The following RYR2 variants were observed in gnomAD, a reference collection of about 807,000 sequenced individuals.
RYR2 encodes ryanodine receptor 2.
RYR2 carries 227 observed loss-of-function variants against 601.1 expected under a neutral mutation model. That is an observed-to-expected ratio of 0.38 (90% CI 0.34 to 0.42). The LOEUF (loss-of-function observed/expected upper bound fraction) is 0.42. Among genes scored for constraint, RYR2 ranks in the 10% least tolerant of loss-of-function variants. RYR2 has a pLI of 1.00. For missense variants in RYR2, 4,646 were observed against 6,156.5 expected, an observed-to-expected ratio of 0.75 and a Z score of 8.21; for synonymous variants, 2,223 against 2,175.1, an observed-to-expected ratio of 1.02 and a Z score of -0.61.
chr1:237,732,660 A>T (rs565331814), intron 78 of RYR2, among the ~76,000 whole-genome samples: 1 of 152,152 alleles, frequency 6.6e-6, no homozygotes, highest in Non-Finnish European at 1.5e-5. Context: ...CCTTAGTCAT[A>T]TGAATTCACC....
Position 237,732,056 on chromosome 1 carries a change from C to T in RYR2, c.10946C>T (p.Ala3649Val). ...TTGACTTTTTTGCAGAAACCTGGGG[C>T]TGAACCTCCAGAAGAAGATGAAGGC... ...KLIEDLAKPG[A>V]EPPEEDEGTK... The change falls in exon 78 of 105, where the codon GCT (alanine) becomes GTT (valine). Residue 3649 changes from alanine (A) to valine (V), a missense_variant. Ala to Val is a moderately conservative substitution (Grantham distance 64). This residue lies in a region of RYR2 where 1,497 missense variants were observed against 1,842.6 expected (regional missense o/e 0.81). Transcript: ENST00000366574. The T allele has an allele frequency of 1.2e-6, 2 of 1,600,890 alleles. No individual in the cohort carries two copies. Among genetic ancestry groups the T allele is most frequent in the Non-Finnish European group, 1.7e-6 (2 of 1,172,424 alleles).
At chr1:237,212,582 C>T (rs568276791) in intron 1 of RYR2, among the ~76,000 whole-genome samples, 5 of 151,586 alleles carry the variant, frequency 3.3e-5, no homozygotes, top group Non-Finnish European at 7.4e-5. Flanking sequence ...TCCAGCCTGA[C>T]GACAGAGCAA....
In RYR2 at chr1:237,742,324, G is replaced by A. The variant is rs755613281; in HGVS notation, c.11120G>A (p.Gly3707Asp). 3.8e-6 allele frequency: 6 copies of A among 1,566,804 alleles called. No individual in the cohort carries two copies. Among genetic ancestry groups the A allele is most frequent in the East Asian group, 4.6e-5 (2 of 43,228 alleles). ...KSCHDEEDDDGEEEVKSFEEK... is the reference protein window; with the variant it reads ...KSCHDEEDDDDEEEVKSFEEK... Reference sequence around the variant, plus strand: ...TGTCATGATGAGGAAGATGACGATGGTGAAGAGGAAGTGAAGAGTTTTGAA... The same window carrying A: ...TGTCATGATGAGGAAGATGACGATGATGAAGAGGAAGTGAAGAGTTTTGAA... Residue 3707 changes from glycine (G) to aspartate (D), a missense_variant, in exon 80 of 105, where the codon GGT becomes GAT. This residue lies in a region of RYR2 where 1,497 missense variants were observed against 1,842.6 expected (regional missense o/e 0.81). Coordinates refer to ENST00000366574, the MANE Select transcript of RYR2 (RefSeq NM_001035.3).
intron 3 of RYR2, among the ~76,000 whole-genome samples, chr1:237,349,309 T>C (rs1304901881): frequency 1.3e-5 from 2 of 152,118 alleles, no homozygotes; most frequent in Non-Finnish European, 2.9e-5. Context: ...TTTAATGTTG[T>C]GAGGAAAAAT....
intron 16 of RYR2, among the ~76,000 whole-genome samples, chr1:237,461,635 AC>A (rs1659492668): frequency 6.6e-6 from 1 of 152,090 alleles, no homozygotes; most frequent in African/African-American, 2.4e-5. Flanking sequence ...AACATGCATT[AC>A]TTTTATAATT....
intron 12 of RYR2, among the ~76,000 whole-genome samples, chr1:237,441,055 A>C (rs1474539440): frequency 6.6e-6 from 1 of 152,142 alleles, no homozygotes; most frequent in African/African-American, 2.4e-5. Flanking sequence ...TACTGATTTT[A>C]AGATCTCTGG....
intron 1 of RYR2, among the ~76,000 whole-genome samples, chr1:237,185,557 C>A (rs1292320042): frequency 3.3e-5 from 5 of 152,060 alleles, no homozygotes; most frequent in African/African-American, 1.2e-4. Flanking sequence ...CTGACTCTCT[C>A]TCGGTGCTCC....
At chr1:237,770,006 A>C (rs1403381103) in intron 84 of RYR2, among the ~76,000 whole-genome samples, 1 of 152,082 alleles carries the variant, frequency 6.6e-6, no homozygotes, top group Non-Finnish European at 1.5e-5. Context: ...CCCTTTTCTG[A>C]GGTTTTCTCC....
chr1:237,605,799 A>C (rs1271507519), intron 35 of RYR2, among the ~76,000 whole-genome samples: 1 of 152,128 alleles, frequency 6.6e-6, no homozygotes, highest in East Asian at 1.9e-4. Flanking sequence ...CCAAATCATG[A>C]GTGAACTCCC....
intron 13 of RYR2, 137 bp from the exon 14 acceptor site, chr1:237,445,263 TA>T: frequency 1.0e-6 from 1 of 978,086 alleles, no homozygotes; most frequent in Non-Finnish European, 1.5e-6. Context: ...TATCTGAACG[TA>T]ACAGCTTCAC....
At chr1:237,575,839 G>C (rs905055539) in intron 29 of RYR2, among the ~76,000 whole-genome samples, 1 of 152,092 alleles carries the variant, frequency 6.6e-6, no homozygotes, top group Non-Finnish European at 1.5e-5. Flanking sequence ...TGGAGTAAAA[G>C]GGACGAATTT....
chr1:237,672,823 A>G (rs1458032071), intron 58 of RYR2, among the ~76,000 whole-genome samples: 2 of 152,170 alleles, frequency 1.3e-5, no homozygotes, highest in Admixed American at 6.5e-5. Context: ...TATTATTAAT[A>G]TACTGTGAAG....
intron 1 of RYR2, among the ~76,000 whole-genome samples, chr1:237,053,751 C>A (rs1185144711): frequency 6.6e-6 from 1 of 152,136 alleles, no homozygotes; most frequent in Non-Finnish European, 1.5e-5. Flanking sequence ...AAATATTCTA[C>A]TACACAGTGG....
chr1:237,783,425 G>A (rs182563452), intron 89 of RYR2, among the ~76,000 whole-genome samples: 2 of 152,250 alleles, frequency 1.3e-5, no homozygotes, highest in East Asian at 1.9e-4. Context: ...CTTTGATTGA[G>A]GGGAAAAATG....
intron 14 of RYR2, among the ~76,000 whole-genome samples, chr1:237,451,345 G>GCACAT (rs887032619): frequency 2.0e-4 from 31 of 152,086 alleles, no homozygotes; most frequent in African/African-American, 7.0e-4. Flanking sequence ...GCTGAAGCCG[G>GCACAT]CACATCACTT....
In RYR2 at chr1:237,151,761, G is replaced by A. The variant is rs74661144; in HGVS notation, c.48+109192G>A. On this transcript the variant is annotated intron_variant, in intron 1 of 104. Coordinates refer to ENST00000366574, the MANE Select transcript of RYR2 (RefSeq NM_001035.3). ...TACAATCAACACCCTTTAGGAAATG[G>A]TGGTGGGCCAAGGACAGAGTCAAAG... is the stretch of plus-strand genomic sequence containing the variant. Among the ~76,000 whole-genome samples the A allele has an allele frequency of 4.0e-3, 616 of 152,296 alleles. 2 individuals carry two copies. Among genetic ancestry groups the A allele is most frequent in the African/African-American group, 0.014 (592 of 41,552 alleles).
intron 11 of RYR2, among the ~76,000 whole-genome samples, chr1:237,419,883 C>T (rs1210391158): frequency 2.0e-5 from 3 of 152,004 alleles, no homozygotes; most frequent in African/African-American, 7.2e-5. Flanking sequence ...GTTTACATGT[C>T]TTATATGCAA....
chr1:237,726,622 G>A (rs1360339823), intron 75 of RYR2, among the ~76,000 whole-genome samples: 1 of 151,854 alleles, frequency 6.6e-6, no homozygotes, highest in Admixed American at 6.6e-5. Context: ...GTCTCTTTTT[G>A]TGTTTATTAC....
At chr1:237,746,014 G>A (rs887379757) in intron 80 of RYR2, among the ~76,000 whole-genome samples, 2 of 151,736 alleles carry the variant, frequency 1.3e-5, no homozygotes, top group African/African-American at 4.8e-5. Flanking sequence ...TGTGTATGTG[G>A]TATGAAATAT....
Sources: allele counts gnomAD v4.1 joint callset (sites outside exome capture counted in the v4.1 genomes callset), GRCh38; gene constraint gnomAD v4.1.1; regional missense constraint gnomAD v4.1.1; transcripts MANE v1.5; gene names NCBI Gene and HGNC (gene_info 2026-07-23, HGNC 2026-07-21).